Variants in SGPL1 observed in about 807,000 individuals in gnomAD.
The protein encoded by SGPL1 is SP-lyase 1.
A neutral mutation model predicts 68.9 loss-of-function variants in SGPL1; 37 were observed. That is an observed-to-expected ratio of 0.54 (90% CI 0.41 to 0.71). SGPL1 has a LOEUF of 0.71. SGPL1 is among the 30% of genes least tolerant of loss of function. SGPL1 has a pLI of 0.00. For missense variants in SGPL1, 551 were observed against 704.6 expected (o/e 0.78, Z 2.47); for synonymous variants, 236 against 248.5 (o/e 0.95, Z 0.47).
chr10:70,847,693 C>G (rs772501306), intron 3 of SGPL1, among the ~76,000 whole-genome samples: 6 of 152,152 alleles, frequency 3.9e-5, no homozygotes, highest in Non-Finnish European at 7.3e-5. Flanking sequence ...AGCACACTTT[C>G]ATTTGGTAAT....
intron 5 of SGPL1, among the ~76,000 whole-genome samples, chr10:70,855,646 CATT>C (rs1845952032): frequency 6.6e-6 from 1 of 152,194 alleles, no homozygotes; most frequent in Non-Finnish European, 1.5e-5. Flanking sequence ...AAATGTTAAA[CATT>C]ATTGCTATTA....
intron 8 of SGPL1, 129 bp downstream of exon 8, chr10:70,868,562 C>T: frequency 1.4e-6 from 1 of 721,180 alleles, no homozygotes; most frequent in Non-Finnish European, 2.5e-6. Flanking sequence ...CCCTTTCCCC[C>T]TGTCCTAGCC....
In SGPL1 at chr10:70,878,786, T is replaced by G. The variant is rs558066203; in HGVS notation, c.*1451T>G. 2.0e-5 allele frequency: 3 copies of G among 152,378 alleles called. No individual in the cohort carries two copies. Among genetic ancestry groups the G allele is most frequent in the Admixed American group, 1.3e-4 (2 of 15,304 alleles). The allele number at this position is 152,378 out of a possible 1,614,324, so 9.4% of individuals were successfully genotyped here. A position where few individuals can be genotyped will look rare whatever the true frequency, so the allele number is the denominator to read the frequency against. ...CTTGATTCAGCTTTCAGAGGTACTATGGCAGTTTTGCCTCAGGTGCTGAAC... is the reference window on the plus strand; with the variant it reads ...CTTGATTCAGCTTTCAGAGGTACTAGGGCAGTTTTGCCTCAGGTGCTGAAC... On this transcript the variant is annotated 3_prime_UTR_variant, in exon 15 of 15. Transcript: ENST00000373202.
At position 70,869,792 on chromosome 10, in the gene SGPL1, TG is replaced by T; in HGVS notation, c.706del (p.Val236TrpfsTer19). The T allele has an allele frequency of 6.2e-7, 1 of 1,613,378 alleles. No homozygotes were observed. Among genetic ancestry groups the T allele is most frequent in the Non-Finnish European group, 8.5e-7 (1 of 1,179,432 alleles). On this transcript the variant is annotated frameshift_variant and splice_region_variant, in exon 9 of 15. Transcript: ENST00000373202. LOFTEE classifies it high-confidence loss of function. ...TATTCTCCTCTTCCCTGTCATTTAG[TG>T]TGGCTCCCCAAAGTGCCCATGCTGC... The part of the protein sequence containing the change: ...FEKGIKTPEI[V>X]APQSAHAAFN...
intron 2 of SGPL1, among the ~76,000 whole-genome samples, chr10:70,829,890 A>G (rs1234489791): frequency 6.6e-6 from 1 of 152,150 alleles, no homozygotes; most frequent in Non-Finnish European, 1.5e-5. Context: ...GTGCTTAGGA[A>G]TTGCTGGATA....
chr10:70,829,737 C>T (rs1349794823), intron 2 of SGPL1, among the ~76,000 whole-genome samples: 1 of 152,146 alleles, frequency 6.6e-6, no homozygotes, highest in Non-Finnish European at 1.5e-5. Flanking sequence ...CCAGTCCAGA[C>T]TTTCTAGGAC....
intron 3 of SGPL1, among the ~76,000 whole-genome samples, chr10:70,848,044 A>C (rs960359096): frequency 3.3e-5 from 5 of 152,186 alleles, no homozygotes; most frequent in Non-Finnish European, 7.3e-5. Flanking sequence ...ACAGTTTATT[A>C]CTTTTACTTT....
intron 3 of SGPL1, among the ~76,000 whole-genome samples, chr10:70,847,737 T>G (rs1355483103): frequency 1.3e-5 from 2 of 152,234 alleles, no homozygotes; most frequent in Non-Finnish European, 2.9e-5. Flanking sequence ...GATAAGAATG[T>G]CTTCCCTCCA....
chr10:70,870,246 C>T (rs1037658815), intron 9 of SGPL1, among the ~76,000 whole-genome samples: 2 of 152,046 alleles, frequency 1.3e-5, no homozygotes, highest in African/African-American at 4.8e-5. Context: ...ATCTGTAATC[C>T]CAGCACTTTG....
At chr10:70,856,817 AT>A (rs1465262346) in intron 5 of SGPL1, among the ~76,000 whole-genome samples, 5 of 152,196 alleles carry the variant, frequency 3.3e-5, no homozygotes, top group Admixed American at 3.3e-4. Flanking sequence ...GCACAGCTGC[AT>A]TGTAGCACAA....
chr10:70,817,969 A>G (rs534263730), intron 2 of SGPL1, among the ~76,000 whole-genome samples: 1 of 152,344 alleles, frequency 6.6e-6, no homozygotes, highest in South Asian at 2.1e-4. Flanking sequence ...GCGTTGCTAA[A>G]TGCATGTTTA....
At chr10:70,847,293 T>G (rs1393583313) in intron 3 of SGPL1, among the ~76,000 whole-genome samples, 1 of 152,004 alleles carries the variant, frequency 6.6e-6, no homozygotes, top group Non-Finnish European at 1.5e-5. Context: ...GGATTATAGG[T>G]GCCCACTATC....
At chr10:70,870,749 C>CG (rs1846278682) in intron 9 of SGPL1, among the ~76,000 whole-genome samples, 1 of 152,182 alleles carries the variant, frequency 6.6e-6, no homozygotes, top group African/African-American at 2.4e-5. Context: ...ACTGCTGGTA[C>CG]GTTGTGGGGC....
At chr10:70,833,371 T>C (rs1404054982) in intron 2 of SGPL1, among the ~76,000 whole-genome samples, 1 of 152,180 alleles carries the variant, frequency 6.6e-6, no homozygotes, top group East Asian at 1.9e-4. Context: ...GTGGTTTGCT[T>C]TTTGTCTCCT....
chr10:70,868,764 G>A (rs1437457253), intron 8 of SGPL1, among the ~76,000 whole-genome samples: 1 of 150,716 alleles, frequency 6.6e-6, no homozygotes. Context: ...CAAATTATTT[G>A]GAGCCTAAAG....
intron 3 of SGPL1, among the ~76,000 whole-genome samples, chr10:70,845,635 G>A (rs1327328326): frequency 5.6e-5 from 7 of 125,020 alleles, no homozygotes; most frequent in Non-Finnish European, 1.2e-4. Context: ...CCTTTTTCCC[G>A]CCTAGAAACC....
intron 2 of SGPL1, among the ~76,000 whole-genome samples, chr10:70,825,332 A>G (rs1845413733): frequency 1.3e-5 from 2 of 152,154 alleles, no homozygotes. Context: ...TGGTTGATTT[A>G]ATTCAGAGGG....
intron 2 of SGPL1, among the ~76,000 whole-genome samples, chr10:70,826,633 C>T (rs1274359018): frequency 2.6e-5 from 4 of 152,234 alleles, no homozygotes; most frequent in African/African-American, 9.6e-5. Flanking sequence ...ACGCTTCACC[C>T]TGTTACAAAT....
At chr10:70,823,906 C>T (rs1845386152) in intron 2 of SGPL1, among the ~76,000 whole-genome samples, 1 of 152,078 alleles carries the variant, frequency 6.6e-6, no homozygotes, top group African/African-American at 2.4e-5. Context: ...ATTGATATGT[C>T]TATAGGGAAA....
Sources: gnomAD v4.1 joint callset for allele counts (sites outside exome capture counted in the v4.1 genomes callset) on GRCh38, gnomAD v4.1.1 for gene constraint, MANE v1.5 for transcripts, NCBI Gene and HGNC (gene_info 2026-07-23, HGNC 2026-07-21) for gene names.